PRR11: variants seen among roughly 807,000 people sequenced by gnomAD.
PRR11 encodes the protein proline rich 11, also known as proline-rich protein 11.
Under a neutral mutation model 45.6 loss-of-function variants are expected in PRR11, and 30 were observed. That is an observed-to-expected ratio of 0.66 (90% confidence interval 0.49 to 0.89). The LOEUF is 0.89. PRR11 is among the 40% of genes least tolerant of loss of function. PRR11 has a pLI of 0.00. For synonymous variants in PRR11, 128 were observed against 153.5 expected (o/e 0.83, Z 1.23); for missense variants, 373 against 424.8 (o/e 0.88, Z 1.07).
intron 1 of PRR11, among the ~76,000 whole-genome samples, chr17:59,168,002 C>T (rs1213922585): frequency 1.3e-5 from 2 of 152,064 alleles, no homozygotes; most frequent in African/African-American, 4.8e-5. Flanking sequence ...AGCTCCTATT[C>T]AAGATTGAGT....
intron 2 of PRR11, among the ~76,000 whole-genome samples, chr17:59,183,350 G>A (rs1295739624): frequency 6.6e-6 from 1 of 152,128 alleles, no homozygotes; most frequent in Non-Finnish European, 1.5e-5. Context: ...GGAGAGGGAG[G>A]GTGGGAAAGA....
At chr17:59,197,856 A>G (rs2046874343) in intron 9 of PRR11, 67 bp downstream of exon 9, 1 of 1,385,120 alleles carries the variant, frequency 7.2e-7, no homozygotes, top group Admixed American at 1.7e-5. Context: ...GTGGTGGCTC[A>G]TGACTGTAAT....
chr17:59,193,552 CT>C lies in PRR11; in HGVS notation c.465del (p.Thr156GlnfsTer8). 2 of 1,614,186 alleles carry C rather than the reference CT, an allele frequency of 1.2e-6. No individual in the cohort carries two copies. Among genetic ancestry groups the C allele is most frequent in the Admixed American group, 3.3e-5 (2 of 60,018 alleles). ...CGQTCHMSGK[L>X]TNVPACVLIT... Reference sequence around the variant, plus strand: ...TCAAACATGTCACATGAGTGGTAAACTTACAAATGTGCCTGCCTGCGTTCTG... The same window carrying C: ...TCAAACATGTCACATGAGTGGTAAACTACAAATGTGCCTGCCTGCGTTCTG... On this transcript the variant is annotated frameshift_variant, in exon 5 of 10. Coordinates refer to ENST00000262293, the MANE Select transcript of PRR11 (RefSeq NM_018304.4). LOFTEE classifies it high-confidence loss of function.
At position 59,169,802 on chromosome 17, in the gene PRR11, G is replaced by A; in HGVS notation, c.50G>A (p.Arg17Lys). 3 of 1,611,406 alleles carry A rather than the reference G, an allele frequency of 1.9e-6. No individual in the cohort carries two copies. The highest frequency in any genetic ancestry group is 2.5e-6 in the Non-Finnish European group (3 of 1,179,256). ...RRRKLKAKAERLFKKKEASHF... is the reference protein window; with the variant it reads ...RRRKLKAKAEKLFKKKEASHF... ...CGAAAGCTAAAAGCCAAAGCCGAAA[G>A]ATTATTCAAAAAAAAAGAAGCCTCT... Residue 17 changes from arginine to lysine, a missense_variant, in exon 2 of 10, where the codon AGA becomes AAA. Coordinates refer to ENST00000262293, the MANE Select transcript of PRR11 (RefSeq NM_018304.4).
chr17:59,158,956 G>T (rs8073699), intron 1 of PRR11, among the ~76,000 whole-genome samples: 1 of 151,968 alleles, frequency 6.6e-6, no homozygotes. Flanking sequence ...GCGTAGCTGG[G>T]ATTACAGCAC....
In PRR11 at chr17:59,206,210, C is replaced by T. The variant is rs1016259678; in HGVS notation, c.*4579C>T. The stretch of plus-strand genomic sequence containing the variant: ...TGCAAGACCCCAACTCTACAAAAAA[C>T]GAAAAATTAGCCGGGAGCGGTGATG... On this transcript the variant is annotated 3_prime_UTR_variant, in exon 10 of 10. Transcript: ENST00000262293. Among the ~76,000 whole-genome samples the T allele has an allele frequency of 1.3e-5, 2 of 151,762 alleles. No individual in the cohort carries two copies. The highest frequency in any genetic ancestry group is 2.4e-5 in the African/African-American group (1 of 41,324).
In PRR11 at chr17:59,205,906, C is replaced by G. The variant is rs1342682039; in HGVS notation, c.*4275C>G. ...ACCAAAAAAAATATATAAAAATTAT[C>G]TGGGTGTGGTGGCATGTGCCTATAG... On this transcript the variant is annotated 3_prime_UTR_variant, in exon 10 of 10. Coordinates refer to ENST00000262293, the MANE Select transcript of PRR11 (RefSeq NM_018304.4). Among the ~76,000 whole-genome samples the G allele has an allele frequency of 1.3e-5, 2 of 151,386 alleles. No individual in the cohort carries two copies. Among genetic ancestry groups the G allele is most frequent in the Non-Finnish European group, 2.9e-5 (2 of 67,940 alleles).
chr17:59,206,517 T>G lies in PRR11; in HGVS notation c.*4886T>G, dbSNP rs2046918907. On this transcript the variant is annotated 3_prime_UTR_variant, in exon 10 of 10. Transcript: ENST00000262293. The stretch of plus-strand genomic sequence containing the variant: ...TTCTACCTTGCATCTTTTACTGATT[T>G]TTATGACAGATTTTATATTGTAACC... Among the ~76,000 whole-genome samples, 1 of 152,214 alleles carries G rather than the reference T, an allele frequency of 6.6e-6. No homozygotes were observed. Among genetic ancestry groups the G allele is most frequent in the South Asian group, 2.1e-4 (1 of 4,834 alleles).
chr17:59,189,846 T>C (rs1187895327), intron 4 of PRR11, among the ~76,000 whole-genome samples: 1 of 152,122 alleles, frequency 6.6e-6, no homozygotes, highest in Non-Finnish European at 1.5e-5. Flanking sequence ...TTAAATTTTT[T>C]AGCTGGTCAT....
intron 1 of PRR11, among the ~76,000 whole-genome samples, chr17:59,159,677 G>A (rs950406681): frequency 5.3e-5 from 8 of 152,086 alleles, no homozygotes; most frequent in African/African-American, 1.2e-4. Flanking sequence ...AAAACTTTAC[G>A]TTGCAGGATA....
chr17:59,199,337 A>G (rs115758823), intron 9 of PRR11, among the ~76,000 whole-genome samples: 5,094 of 152,312 alleles, frequency 0.033, 320 homozygotes, highest in African/African-American at 0.12. Context: ...ATCATGGCCT[A>G]TTCAAGGAAC....
intron 2 of PRR11, chr17:59,178,327 G>C (rs1406600151): frequency 5.2e-6 from 2 of 386,676 alleles, no homozygotes; most frequent in African/African-American, 2.1e-5. Context: ...GAGCGAGACT[G>C]TCTCACAAAA....
rs2147854006 is a variant in PRR11, at chr17:59,193,578, G to A, written c.489G>A (p.Leu163=). The part of the protein sequence containing the change: ...GKLTNVPACV[L]ITPGDSKAVL... ...TTACAAATGTGCCTGCCTGCGTTCT[G>A]ATCACCCCTGGAGACTCCAAAGCTG... Residue 163 remains leucine, a synonymous_variant, in exon 5 of 10, where the codon CTG becomes CTA. Transcript: ENST00000262293. 1 of 1,614,094 alleles carries A rather than the reference G, an allele frequency of 6.2e-7. No individual in the cohort carries two copies. The highest frequency in any genetic ancestry group is 1.1e-5 in the South Asian group (1 of 91,084).
chr17:59,185,257 T>C (rs2046808767), intron 3 of PRR11, 53 bp downstream of exon 3: 1 of 1,596,398 alleles, frequency 6.3e-7, no homozygotes, highest in Non-Finnish European at 8.6e-7. Context: ...ACACACTTGG[T>C]GTTTATATAC....
chr17:59,172,646 G>A (rs1322198869), intron 2 of PRR11, among the ~76,000 whole-genome samples: 2 of 152,246 alleles, frequency 1.3e-5, no homozygotes, highest in Non-Finnish European at 2.9e-5. Flanking sequence ...AGCCCGGGCA[G>A]TGAGGGGCTT....
At chr17:59,175,887 G>A (rs1162997627) in intron 2 of PRR11, among the ~76,000 whole-genome samples, 1 of 152,152 alleles carries the variant, frequency 6.6e-6, no homozygotes, top group African/African-American at 2.4e-5. Flanking sequence ...CAGCTTGGGG[G>A]ACAGGGCAAG....
In PRR11 at chr17:59,161,552, C is replaced by A. The variant is rs536679018; in HGVS notation, c.-6+5747C>A. Among the ~76,000 whole-genome samples, 5 of 151,850 alleles carry A rather than the reference C, an allele frequency of 3.3e-5. No homozygotes were observed. In the South Asian group the frequency reaches 8.3e-4, roughly 25 times the overall value. Reference sequence around the variant, plus strand: ...ATTGCTTGAGCTCAGGAGTTTGAGACCACCTAGGCAACATGGTGAAACCCT... The same window carrying A: ...ATTGCTTGAGCTCAGGAGTTTGAGAACACCTAGGCAACATGGTGAAACCCT... On this transcript the variant is annotated intron_variant, in intron 1 of 9. Coordinates refer to ENST00000262293, the MANE Select transcript of PRR11 (RefSeq NM_018304.4).
At position 59,179,986 on chromosome 17, in the gene PRR11, C is replaced by T. The variant is rs1005580843; in HGVS notation, c.129-5068C>T. 4.5e-6 allele frequency: 5 copies of T among 1,114,010 alleles called. No individual in the cohort carries two copies. The African/African-American group carries it at 6.2e-5, about 14-fold the overall frequency. The allele number at this position is 1,114,010 out of a possible 1,614,324, so 69.0% of individuals were successfully genotyped here. On this transcript the variant is annotated intron_variant, in intron 2 of 9. Coordinates refer to ENST00000262293, the MANE Select transcript of PRR11 (RefSeq NM_018304.4). ...CCATCCTCCCCAGCCTCGCAGACTG[C>T]TGGCTTCTCCAAGCCATCTTTCCGT...
At chr17:59,179,608 A>G (rs2147844937) in intron 2 of PRR11, 1 of 1,512,612 alleles carries the variant, frequency 6.6e-7, no homozygotes, top group South Asian at 1.1e-5. Context: ...CTCTTTTTTA[A>G]AAGAACAGGA....
Sources: allele counts gnomAD v4.1 joint callset (sites outside exome capture counted in the v4.1 genomes callset), GRCh38; gene constraint gnomAD v4.1.1; transcripts MANE v1.5; gene names NCBI Gene and HGNC (gene_info 2026-07-23, HGNC 2026-07-21).